Variants in CSMD1 observed in about 807,000 individuals in gnomAD.
The protein encoded by CSMD1 is CUB and Sushi multiple domains 1, also known as CUB and sushi domain-containing protein 1.
CSMD1 carries 213 observed loss-of-function variants against 417.5 expected under a neutral mutation model. The ratio of observed to expected loss-of-function variants is 0.51; its 90% confidence interval spans 0.46 to 0.57. CSMD1 has a LOEUF of 0.57. Ranked by LOEUF, CSMD1 falls within the 20% of genes least tolerant of loss-of-function variation. CSMD1 has a pLI of 0.00. For synonymous variants in CSMD1, 2,862 were observed against 1,736.8 expected (o/e 1.65, Z -16.11); for missense variants, 6,923 against 4,529.7 (o/e 1.53, Z -15.17).
In CSMD1 at chr8:4,893,260, T is replaced by C. The variant is rs111726811; in HGVS notation, c.85+101072A>G. 8.3e-3 allele frequency among the ~76,000 whole-genome samples: 1,270 copies of C among 152,264 alleles called. 37 individuals carry two copies. The highest frequency in any genetic ancestry group is 0.029 in the African/African-American group (1,190 of 41,514). On this transcript the variant is annotated intron_variant, in intron 1 of 69. Coordinates refer to ENST00000635120, the MANE Select transcript of CSMD1 (RefSeq NM_033225.6). ...AATTGCCTACTTAATATTTTTCCAATGTTTCTAACTGATGTTTTTCTTGAA... is the reference window on the plus strand; with the variant it reads ...AATTGCCTACTTAATATTTTTCCAACGTTTCTAACTGATGTTTTTCTTGAA...
intron 1 of CSMD1, among the ~76,000 whole-genome samples, chr8:4,728,357 G>C (rs923654092): frequency 1.3e-5 from 2 of 151,742 alleles, no homozygotes; most frequent in African/African-American, 4.8e-5. Context: ...AAGTAATTTG[G>C]TCCTCATTAC....
rs539156838 is a variant in CSMD1, at chr8:3,329,702, C to T, written c.3631+13592G>A. Among the ~76,000 whole-genome samples, 36 of 152,220 alleles carry T rather than the reference C, an allele frequency of 2.4e-4. No individual in the cohort carries two copies. In the South Asian group the frequency reaches 4.1e-3, roughly 18 times the overall value. ...AAAGAGTTGCCCAGCCCCGGGGCCGCATGGGCCTGCAGGACCAGTGCTAAC... is the reference window on the plus strand; with the variant it reads ...AAAGAGTTGCCCAGCCCCGGGGCCGTATGGGCCTGCAGGACCAGTGCTAAC... On this transcript the variant is annotated intron_variant, in intron 23 of 69. Transcript: ENST00000635120.
intron 5 of CSMD1, among the ~76,000 whole-genome samples, chr8:3,944,408 G>A (rs1811087915): frequency 6.6e-6 from 1 of 151,978 alleles, no homozygotes; most frequent in Non-Finnish European, 1.5e-5. Flanking sequence ...TAACTGAGTG[G>A]GTGATTCTTC....
At chr8:4,781,858 T>C (rs1240969208) in intron 1 of CSMD1, among the ~76,000 whole-genome samples, 5 of 152,170 alleles carry the variant, frequency 3.3e-5, no homozygotes, top group Non-Finnish European at 5.9e-5. Flanking sequence ...AGTTTACATA[T>C]CGAGAGGGTC....
chr8:3,142,229 A>T (rs1818547494), intron 41 of CSMD1, among the ~76,000 whole-genome samples: 1 of 152,126 alleles, frequency 6.6e-6, no homozygotes, highest in African/African-American at 2.4e-5. Flanking sequence ...CGTCTTGATA[A>T]ATCGGCTCTG....
chr8:3,694,564 GC>G (rs1303287919), intron 7 of CSMD1, among the ~76,000 whole-genome samples: 3 of 151,920 alleles, frequency 2.0e-5, no homozygotes, highest in African/African-American at 7.3e-5. Flanking sequence ...TCAGTGGAAG[GC>G]CAGGCCCGAG....
intron 3 of CSMD1, among the ~76,000 whole-genome samples, chr8:4,395,003 G>A (rs1804103668): frequency 6.6e-6 from 1 of 152,180 alleles, no homozygotes; most frequent in Non-Finnish European, 1.5e-5. Flanking sequence ...CACAGCAGAG[G>A]AGGTAGACCC....
intron 3 of CSMD1, among the ~76,000 whole-genome samples, chr8:4,293,293 T>C (rs1797474670): frequency 6.6e-6 from 1 of 152,044 alleles, no homozygotes; most frequent in Admixed American, 6.6e-5. Context: ...CAAATGAAAA[T>C]TGGCCAGCAC....
chr8:4,234,279 G>A (rs866731051), intron 3 of CSMD1, among the ~76,000 whole-genome samples: 1 of 152,134 alleles, frequency 6.6e-6, no homozygotes, highest in Non-Finnish European at 1.5e-5. Context: ...TACACGAAGT[G>A]ATCTATGGGA....
At chr8:3,170,423 T>G (rs1027573415) in intron 37 of CSMD1, among the ~76,000 whole-genome samples, 2 of 152,156 alleles carry the variant, frequency 1.3e-5, no homozygotes, top group Non-Finnish European at 2.9e-5. Flanking sequence ...TTAGCCAGGA[T>G]GGTCTCGATC....
intron 5 of CSMD1, among the ~76,000 whole-genome samples, chr8:3,826,950 T>A (rs2129085517): frequency 6.6e-6 from 1 of 152,192 alleles, no homozygotes; most frequent in South Asian, 2.1e-4. Context: ...AGCTATTTTT[T>A]TAAATATAAT....
At chr8:3,016,305 A>C (rs1380683727) in intron 52 of CSMD1, among the ~76,000 whole-genome samples, 1 of 152,108 alleles carries the variant, frequency 6.6e-6, no homozygotes. Context: ...TCTATCTTAG[A>C]GTCATACAAT....
At chr8:3,895,496 T>C (rs1375021369) in intron 5 of CSMD1, among the ~76,000 whole-genome samples, 1 of 152,086 alleles carries the variant, frequency 6.6e-6, no homozygotes, top group East Asian at 1.9e-4. Flanking sequence ...ATTAGGCCTA[T>C]TATCAATTTA....
At chr8:4,761,230 G>A (rs1023151684) in intron 1 of CSMD1, among the ~76,000 whole-genome samples, 1 of 152,092 alleles carries the variant, frequency 6.6e-6, no homozygotes, top group African/African-American at 2.4e-5. Context: ...GGTCACAGGA[G>A]ACTATGGAAC....
At chr8:2,984,362 C>T (rs1192168233) in intron 54 of CSMD1, among the ~76,000 whole-genome samples, 1 of 151,814 alleles carries the variant, frequency 6.6e-6, no homozygotes, top group African/African-American at 2.4e-5. Flanking sequence ...TTTCTTTTTT[C>T]CCCCGAGACC....
intron 3 of CSMD1, among the ~76,000 whole-genome samples, chr8:4,228,603 T>TTTTTTC (rs34269781): frequency 1.3e-5 from 2 of 151,806 alleles, no homozygotes; most frequent in Non-Finnish European, 2.9e-5. Context: ...TTTTTTTTTT[T>TTTTTTC]TTCCTACCCT....
chr8:3,314,777 T>C (rs568123269), intron 23 of CSMD1, among the ~76,000 whole-genome samples: 1 of 152,358 alleles, frequency 6.6e-6, no homozygotes, highest in South Asian at 2.1e-4. Flanking sequence ...TAGAGTTCTA[T>C]GAGACTTGCT....
chr8:4,399,720 G>A (rs920760054), intron 3 of CSMD1, among the ~76,000 whole-genome samples: 1 of 152,066 alleles, frequency 6.6e-6, no homozygotes, highest in Non-Finnish European at 1.5e-5. Context: ...GTTTTACCTT[G>A]AATCTAATGA....
chr8:3,191,477 T>A (rs962922626), intron 33 of CSMD1, among the ~76,000 whole-genome samples: 3 of 151,846 alleles, frequency 2.0e-5, no homozygotes, highest in Admixed American at 6.6e-5. Context: ...AATGAAAAAA[T>A]AGCAAGCCCC....
Sources: allele counts gnomAD v4.1 joint callset (sites outside exome capture counted in the v4.1 genomes callset), GRCh38; gene constraint gnomAD v4.1.1; transcripts MANE v1.5; gene names NCBI Gene and HGNC (gene_info 2026-07-23, HGNC 2026-07-21).